Variants in DENND1A observed in about 807,000 individuals in gnomAD.
DENND1A encodes the protein DENN domain-containing protein 1A.
A neutral mutation model predicts 113.7 loss-of-function variants in DENND1A; 51 were observed. The observed-to-expected ratio is 0.45, with a 90% CI of 0.36 to 0.57. DENND1A has a LOEUF of 0.57. Ranked by LOEUF, DENND1A falls within the 20% of genes least tolerant of loss-of-function variation. The probability of loss-of-function intolerance (pLI) is 0.00; values close to 1 mark genes in which losing one functional copy is unlikely to be tolerated. For missense variants in DENND1A, 1,258 were observed against 1,395.9 expected (o/e 0.90, Z 1.57); for synonymous variants, 565 against 570.8 (o/e 0.99, Z 0.14).
chr9:123,425,811 C>T (rs1588468363), intron 19 of DENND1A, among the ~76,000 whole-genome samples: 1 of 152,232 alleles, frequency 6.6e-6, no homozygotes, highest in Middle Eastern at 3.4e-3. Flanking sequence ...GGGGGCTTGT[C>T]AAGGGAAGGC....
chr9:123,843,039 A>C lies in DENND1A; in HGVS notation c.88+35912T>G, dbSNP rs1842051810. On this transcript the variant is annotated intron_variant, in intron 2 of 23. Transcript: ENST00000394215. ...GATAGCCACTCAAGAAAATACCATG[A>C]AAGATACTGACATCAAAAAACTACT... The C allele has an allele frequency of 1.2e-5, 6 of 494,182 alleles. No homozygotes were observed. In the Admixed American group the frequency reaches 1.3e-4, roughly 11 times the overall value. The allele number at this position is 494,182 out of a possible 1,614,324, so 30.6% of individuals were successfully genotyped here.
At chr9:123,403,755 T>TCCTCA (rs2043701914) in intron 20 of DENND1A, among the ~76,000 whole-genome samples, 1 of 152,156 alleles carries the variant, frequency 6.6e-6, no homozygotes, top group Non-Finnish European at 1.5e-5. Context: ...TGAGGATAGT[T>TCCTCA]CCATTGGCCT....
rs76403959 is a variant in DENND1A at position 123,626,835 on chromosome 9, G to A, written c.719+3541C>T. 2.2e-3 allele frequency among the ~76,000 whole-genome samples: 339 copies of A among 152,292 alleles called. 3 individuals carry two copies. In the East Asian group the frequency reaches 0.029, roughly 13 times the overall value. On this transcript the variant is annotated intron_variant, in intron 10 of 23. Coordinates refer to ENST00000394215, the MANE Select transcript of DENND1A (RefSeq NM_001352964.2). Reference sequence around the variant, plus strand: ...GAAAGGGGTGTTTAATGATACCCAAGAAAACAGAGTTCTAGATGGGTCCCA... The same window carrying A: ...GAAAGGGGTGTTTAATGATACCCAAAAAAACAGAGTTCTAGATGGGTCCCA...
chr9:123,907,719 A>C (rs986722788), intron 1 of DENND1A, among the ~76,000 whole-genome samples: 61 of 149,510 alleles, frequency 4.1e-4, no homozygotes, highest in African/African-American at 1.5e-3. Context: ...ATGGAAGAAC[A>C]TTCCATGCTC....
At chr9:123,395,496 CAGAGAG>C (rs143432983) in intron 21 of DENND1A, among the ~76,000 whole-genome samples, 2 of 111,088 alleles carry the variant, frequency 1.8e-5, no homozygotes, top group Admixed American at 8.0e-5. Flanking sequence ...GTGTGTGTGA[CAGAGAG>C]AGAGAGAGAG....
chr9:123,838,555 A>G (rs1841378295), intron 2 of DENND1A, among the ~76,000 whole-genome samples: 1 of 152,178 alleles, frequency 6.6e-6, no homozygotes. Context: ...GACAACTTAA[A>G]AAAAATAGCC....
chr9:123,451,393 G>C (rs2047708676), intron 17 of DENND1A, among the ~76,000 whole-genome samples: 1 of 152,218 alleles, frequency 6.6e-6, no homozygotes, highest in Non-Finnish European at 1.5e-5. Flanking sequence ...GCAAGCAAGA[G>C]AAGTCACAAG....
rs114296116 is a variant in DENND1A at position 123,888,110 on chromosome 9, G to C, written c.18-9089C>G. On this transcript the variant is annotated intron_variant, in intron 1 of 23. Transcript: ENST00000394215. Reference sequence around the variant, plus strand: ...TACAATTCTCCTCTAAAAGGAACCAGGGCTCCTAGGAGAAATAGCTGATTC... The same window carrying C: ...TACAATTCTCCTCTAAAAGGAACCACGGCTCCTAGGAGAAATAGCTGATTC... Among the ~76,000 whole-genome samples the C allele has an allele frequency of 4.5e-4, 68 of 152,244 alleles. 1 individual carries two copies. The highest frequency in any genetic ancestry group is 1.6e-3 in the African/African-American group (67 of 41,538).
At chr9:123,693,419 C>A (rs748574212) in intron 5 of DENND1A, among the ~76,000 whole-genome samples, 7 of 152,176 alleles carry the variant, frequency 4.6e-5, no homozygotes, top group Admixed American at 1.3e-4. Flanking sequence ...TTCCATCACA[C>A]CCCATCCAGC....
At chr9:123,724,337 G>A (rs896861587) in intron 5 of DENND1A, among the ~76,000 whole-genome samples, 1 of 152,116 alleles carries the variant, frequency 6.6e-6, no homozygotes, top group East Asian at 1.9e-4. Context: ...ATTTCCTAAT[G>A]AGACTTCAGC....
intron 10 of DENND1A, among the ~76,000 whole-genome samples, chr9:123,615,297 T>C (rs1394570040): frequency 6.6e-6 from 1 of 152,220 alleles, no homozygotes; most frequent in Non-Finnish European, 1.5e-5. Context: ...AGCTAAATCA[T>C]TCATCTGACG....
At chr9:123,855,470 C>A (rs546924213) in intron 2 of DENND1A, among the ~76,000 whole-genome samples, 1 of 152,092 alleles carries the variant, frequency 6.6e-6, no homozygotes, top group East Asian at 1.9e-4. Flanking sequence ...AAGAGAAAGA[C>A]CAGATCCTAA....
intron 13 of DENND1A, among the ~76,000 whole-genome samples, chr9:123,479,635 C>T (rs754545620): frequency 2.0e-5 from 3 of 152,314 alleles, no homozygotes; most frequent in Admixed American, 6.5e-5. Context: ...GTTAGTTGGG[C>T]GGAAAGAGAA....
At chr9:123,425,496 A>G (rs2045647431) in intron 19 of DENND1A, among the ~76,000 whole-genome samples, 1 of 152,234 alleles carries the variant, frequency 6.6e-6, no homozygotes, top group Non-Finnish European at 1.5e-5. Flanking sequence ...CTTTTGCTGG[A>G]TTTCTCTTGC....
At chr9:123,637,028 A>G (rs1345293116) in intron 9 of DENND1A, among the ~76,000 whole-genome samples, 2 of 152,128 alleles carry the variant, frequency 1.3e-5, no homozygotes, top group Admixed American at 1.3e-4. Context: ...AATAGATCAC[A>G]ACTAGAGGCT....
At chr9:123,898,018 A>AT (rs932465553) in intron 1 of DENND1A, among the ~76,000 whole-genome samples, 2 of 151,292 alleles carry the variant, frequency 1.3e-5, no homozygotes, top group African/African-American at 2.4e-5. Flanking sequence ...ACTAAAAAAA[A>AT]TTTTTTTTTA....
chr9:123,519,533 GT>G (rs1470042150), intron 13 of DENND1A, among the ~76,000 whole-genome samples: 3 of 152,152 alleles, frequency 2.0e-5, no homozygotes, highest in Non-Finnish European at 4.4e-5. Context: ...CACCTGCCAG[GT>G]TCAAGTGATC....
chr9:123,721,805 G>A (rs1162940887), intron 5 of DENND1A, among the ~76,000 whole-genome samples: 4 of 152,172 alleles, frequency 2.6e-5, no homozygotes, highest in Admixed American at 6.5e-5. Context: ...ATATGGAACT[G>A]TAAGTCCATT....
At chr9:123,452,138 G>C (rs143297630) in intron 17 of DENND1A, 138 bp downstream of exon 17, 11 of 738,368 alleles carry the variant, frequency 1.5e-5, no homozygotes, top group Middle Eastern at 2.4e-4. Context: ...AGGCCTCAGT[G>C]AGCTGTGATT....
Sources: allele counts gnomAD v4.1 joint callset (sites outside exome capture counted in the v4.1 genomes callset), GRCh38; gene constraint gnomAD v4.1.1; transcripts MANE v1.5; gene names NCBI Gene and HGNC (gene_info 2026-07-23, HGNC 2026-07-21).